CNTN5: variants seen among roughly 807,000 people sequenced by gnomAD.
CNTN5 encodes contactin 5.
A neutral mutation model predicts 129.1 loss-of-function variants in CNTN5; 77 were observed. The ratio of observed to expected loss-of-function variants is 0.60; its 90% CI spans 0.50 to 0.72. The LOEUF is 0.72. Ranked by LOEUF, CNTN5 falls within the 30% of genes least tolerant of loss-of-function variation. The probability of loss-of-function intolerance (pLI) is 0.00; values close to 1 mark genes in which losing one functional copy is unlikely to be tolerated. For synonymous variants in CNTN5, 509 were observed against 465.6 expected (o/e 1.09, Z -1.20); for missense variants, 1,478 against 1,328.8 (o/e 1.11, Z -1.75).
intron 13 of CNTN5, among the ~76,000 whole-genome samples, chr11:100,124,747 G>A (rs1013883402): frequency 3.3e-5 from 5 of 151,938 alleles, no homozygotes; most frequent in Admixed American, 2.6e-4. Context: ...AAGAGAGTGG[G>A]GTCTTGTAGA....
At chr11:99,782,665 A>G (rs1221759068) in intron 3 of CNTN5, among the ~76,000 whole-genome samples, 1 of 152,020 alleles carries the variant, frequency 6.6e-6, no homozygotes, top group Non-Finnish European at 1.5e-5. Context: ...GCCCTCAGAA[A>G]TAACGCCGCA....
intron 3 of CNTN5, among the ~76,000 whole-genome samples, chr11:99,657,331 C>T (rs1006673618): frequency 6.6e-6 from 1 of 151,782 alleles, no homozygotes; most frequent in Non-Finnish European, 1.5e-5. Flanking sequence ...ATAAATATAC[C>T]TGCATCTATT....
chr11:100,191,311 GAATA>G lies in CNTN5; in HGVS notation c.1708+63_1708+66del. The G allele has an allele frequency of 2.1e-6, 3 of 1,460,948 alleles. No homozygotes were observed. In the South Asian group the frequency reaches 3.9e-5, roughly 19 times the overall value. 90.5% of individuals were successfully genotyped at this position (1,460,948 alleles called of 1,614,324 possible). On this transcript the variant is annotated intron_variant, in intron 14 of 24. Transcript: ENST00000524871. Reference sequence around the variant, plus strand: ...TAGTCTCATGGTCTTATCGGAAAGAGAATAAATATAATATAAATGCATATATGTT... The same window carrying G: ...TAGTCTCATGGTCTTATCGGAAAGAGAATATAATATAAATGCATATATGTT...
At chr11:99,083,484 T>G (rs1865888297) in intron 1 of CNTN5, among the ~76,000 whole-genome samples, 1 of 152,184 alleles carries the variant, frequency 6.6e-6, no homozygotes, top group African/African-American at 2.4e-5. Flanking sequence ...CTCTCAGGCT[T>G]AAAATGCCAG....
intron 15 of CNTN5, among the ~76,000 whole-genome samples, chr11:100,211,084 A>G (rs1247183273): frequency 6.6e-6 from 1 of 152,156 alleles, no homozygotes; most frequent in Non-Finnish European, 1.5e-5. Flanking sequence ...CAGTTGTAAA[A>G]TGTCATCCTC....
At chr11:100,012,476 A>T (rs1467742944) in intron 9 of CNTN5, among the ~76,000 whole-genome samples, 1 of 152,164 alleles carries the variant, frequency 6.6e-6, no homozygotes, top group Admixed American at 6.5e-5. Flanking sequence ...TTACACTGAG[A>T]GGTGTTATGT....
chr11:99,323,353 TG>T (rs1389384435), intron 1 of CNTN5, among the ~76,000 whole-genome samples: 3 of 152,052 alleles, frequency 2.0e-5, no homozygotes, highest in Non-Finnish European at 4.4e-5. Context: ...AGAGACAAAA[TG>T]GAAAAGTTTT....
chr11:99,770,602 T>C (rs1450665480), intron 3 of CNTN5, among the ~76,000 whole-genome samples: 1 of 152,110 alleles, frequency 6.6e-6, no homozygotes, highest in Non-Finnish European at 1.5e-5. Flanking sequence ...ATGTCTTTAT[T>C]TGTGTCTTTT....
intron 1 of CNTN5, among the ~76,000 whole-genome samples, chr11:99,248,305 G>A (rs1021757955): frequency 2.0e-5 from 3 of 151,988 alleles, no homozygotes; most frequent in Non-Finnish European, 2.9e-5. Flanking sequence ...TTTTTGATGG[G>A]GTTGTTTGTT....
chr11:99,874,634 T>C lies in CNTN5; in HGVS notation c.577+29372T>C, dbSNP rs1686242651. ...TAGTTGGAATACTTTTAAAAGGAAATACATCTTCGTAATCTGCTATTAAAC... is the reference window on the plus strand; with the variant it reads ...TAGTTGGAATACTTTTAAAAGGAAACACATCTTCGTAATCTGCTATTAAAC... On this transcript the variant is annotated intron_variant, in intron 6 of 24. Coordinates refer to ENST00000524871, the MANE Select transcript of CNTN5 (RefSeq NM_014361.4). 2.0e-5 allele frequency among the ~76,000 whole-genome samples: 3 copies of C among 152,194 alleles called. No homozygotes were observed. The South Asian group carries it at 6.2e-4, about 31-fold the overall frequency.
intron 23 of CNTN5, among the ~76,000 whole-genome samples, chr11:100,342,693 TCTTA>T (rs1420895600): frequency 6.6e-6 from 1 of 152,184 alleles, no homozygotes; most frequent in Non-Finnish European, 1.5e-5. Context: ...AAGGACTTTA[TCTTA>T]CTTATTTCTT....
intron 2 of CNTN5, among the ~76,000 whole-genome samples, chr11:99,525,433 T>A (rs1029056164): frequency 1.3e-5 from 2 of 152,196 alleles, no homozygotes; most frequent in African/African-American, 4.8e-5. Context: ...CACAGATGAA[T>A]AGATTATGAA....
At chr11:99,689,567 T>G (rs911124288) in intron 3 of CNTN5, among the ~76,000 whole-genome samples, 1 of 147,074 alleles carries the variant, frequency 6.8e-6, no homozygotes, top group Admixed American at 6.8e-5. Context: ...TTCCTTTCTC[T>G]CCACAACCTC....
At chr11:100,207,136 A>G (rs1948932228) in intron 15 of CNTN5, among the ~76,000 whole-genome samples, 1 of 152,108 alleles carries the variant, frequency 6.6e-6, no homozygotes, top group Non-Finnish European at 1.5e-5. Flanking sequence ...CTATTAACAG[A>G]TAGATGGACC....
intron 1 of CNTN5, among the ~76,000 whole-genome samples, chr11:99,253,783 TTGTA>T (rs1331188036): frequency 4.0e-5 from 6 of 151,482 alleles, no homozygotes; most frequent in East Asian, 1.9e-4. Context: ...ATGCAGTTGA[TTGTA>T]TGTGTTTACT....
intron 2 of CNTN5, among the ~76,000 whole-genome samples, chr11:99,385,306 A>G (rs1387393577): frequency 6.6e-6 from 1 of 152,062 alleles, no homozygotes; most frequent in Non-Finnish European, 1.5e-5. Context: ...TCAACCCCTG[A>G]AACACCCCCG....
chr11:99,993,287 C>T (rs7117966), intron 8 of CNTN5, among the ~76,000 whole-genome samples: 1 of 151,850 alleles, frequency 6.6e-6, no homozygotes, highest in Non-Finnish European at 1.5e-5. Flanking sequence ...ACATAAGGTC[C>T]GAAAATCCCT....
intron 3 of CNTN5, among the ~76,000 whole-genome samples, chr11:99,569,967 T>TA (rs974667337): frequency 4.0e-5 from 6 of 151,516 alleles, no homozygotes; most frequent in African/African-American, 1.5e-4. Flanking sequence ...AAACAACCAA[T>TA]AAAAAATTAC....
At chr11:99,187,101 G>C (rs1858392709) in intron 1 of CNTN5, among the ~76,000 whole-genome samples, 1 of 151,850 alleles carries the variant, frequency 6.6e-6, no homozygotes, top group Admixed American at 6.6e-5. Flanking sequence ...CATCTCACCA[G>C]GCTTTCTCTC....
Sources: gnomAD v4.1 joint callset for allele counts (sites outside exome capture counted in the v4.1 genomes callset) on GRCh38, gnomAD v4.1.1 for gene constraint, MANE v1.5 for transcripts, NCBI Gene and HGNC (gene_info 2026-07-23, HGNC 2026-07-21) for gene names.